Variants in MAP3K21 observed in about 807,000 individuals in gnomAD.
MAP3K21 encodes mitogen-activated protein kinase kinase kinase 21, also known as mitogen-activated protein kinase kinase kinase MLK4.
In MAP3K21, 63 loss-of-function variants were observed where a neutral mutation model predicts 86.1. That is an observed-to-expected ratio of 0.73 (90% CI 0.60 to 0.90). MAP3K21 has a LOEUF of 0.90. MAP3K21 is among the 40% of genes least tolerant of loss of function. MAP3K21 has a pLI of 0.00. For synonymous variants in MAP3K21, 558 were observed against 564.8 expected (o/e 0.99, Z 0.17); for missense variants, 1,220 against 1,367.7 (o/e 0.89, Z 1.70).
chr1:233,332,345 C>G (rs759930334), intron 1 of MAP3K21, among the ~76,000 whole-genome samples: 2 of 152,016 alleles, frequency 1.3e-5, no homozygotes, highest in Admixed American at 6.6e-5. Flanking sequence ...CACAGGGGCT[C>G]TCCAGGGAAG....
Position 233,382,563 on chromosome 1 carries a change from C to T in MAP3K21, c.2963C>T (p.Ala988Val). Residue 988 changes from alanine (A) to valine (V), a missense_variant, in exon 10 of 10, where the codon GCC becomes GTC. Ala to Val is a moderately conservative substitution (Grantham distance 64). Coordinates refer to ENST00000366624, the MANE Select transcript of MAP3K21 (RefSeq NM_032435.3). ...PGPHPTQFLA[A>V]KERTKSHVPS... is the part of the protein sequence containing the mutation. ...CCACATCCCACCCAATTCCTCGCTG[C>T]CAAGGAGAGAACTAAATCCCATGTG... The T allele has an allele frequency of 6.2e-7, 1 of 1,614,178 alleles. No homozygotes were observed. The highest frequency in any genetic ancestry group is 8.5e-7 in the Non-Finnish European group (1 of 1,180,028).
intron 9 of MAP3K21, among the ~76,000 whole-genome samples, 193 bp downstream of exon 9, chr1:233,379,903 A>T (rs1350826628): frequency 2.0e-5 from 3 of 152,210 alleles, no homozygotes; most frequent in African/African-American, 7.2e-5. Flanking sequence ...GGAAAAGTGT[A>T]ATTGAATTTC....
intron 2 of MAP3K21, among the ~76,000 whole-genome samples, chr1:233,347,773 T>G (rs1316754415): frequency 6.6e-6 from 1 of 152,152 alleles, no homozygotes; most frequent in Non-Finnish European, 1.5e-5. Flanking sequence ...AAAGTAACTC[T>G]TGGATACTAT....
intron 1 of MAP3K21, among the ~76,000 whole-genome samples, chr1:233,344,921 G>A (rs1663104181): frequency 6.6e-6 from 1 of 152,116 alleles, no homozygotes; most frequent in African/African-American, 2.4e-5. Flanking sequence ...AGTGGGCAAA[G>A]GATATGAACA....
rs550881659 is a variant in MAP3K21 at position 233,376,420 on chromosome 1, T to C, written c.1827-10T>C. ...TCTATCTTATGAAAAGAAACATTTT[T>C]CTCTTGTAGGATAAGACCTCTCTCC... is the stretch of plus-strand genomic sequence containing the variant. On this transcript the variant is annotated splice_polypyrimidine_tract_variant and intron_variant, in intron 7 of 9. Transcript: ENST00000366624. 26 of 1,591,344 alleles carry C rather than the reference T, an allele frequency of 1.6e-5. No individual in the cohort carries two copies. In the African/African-American group the frequency reaches 3.4e-4, roughly 21 times the overall value.
chr1:233,338,638 A>C (rs1662960739), intron 1 of MAP3K21, among the ~76,000 whole-genome samples: 1 of 152,208 alleles, frequency 6.6e-6, no homozygotes, highest in Non-Finnish European at 1.5e-5. Flanking sequence ...CAGAGAACAG[A>C]AATTGCAAGA....
At position 233,372,173 on chromosome 1, in the gene MAP3K21, C is replaced by T; in HGVS notation, c.1675+13C>T. 1 of 1,613,606 alleles carries T rather than the reference C, an allele frequency of 6.2e-7. No individual in the cohort carries two copies. The highest frequency in any genetic ancestry group is 8.5e-7 in the Non-Finnish European group (1 of 1,179,638). On this transcript the variant is annotated intron_variant, in intron 6 of 9. Coordinates refer to ENST00000366624, the MANE Select transcript of MAP3K21 (RefSeq NM_032435.3). The stretch of plus-strand genomic sequence containing the variant: ...CGAGCCATACAGTGTGAGCTTTCTG[C>T]ACTGCCACGGGGGCTCCTGTGTTGA...
chr1:233,333,261 A>C (rs999421100), intron 1 of MAP3K21, among the ~76,000 whole-genome samples: 2 of 152,210 alleles, frequency 1.3e-5, no homozygotes, highest in Non-Finnish European at 2.9e-5. Flanking sequence ...TACTCAGGAC[A>C]TGTAGCTTCA....
Position 233,328,160 on chromosome 1 carries a change from C to G in MAP3K21, c.132C>G (p.Ala44=). Residue 44 remains alanine, a synonymous_variant, in exon 1 of 10, where the codon GCC becomes GCG. Coordinates refer to ENST00000366624, the MANE Select transcript of MAP3K21 (RefSeq NM_032435.3). The surrounding 1 kb of genome is among the most constrained non-coding windows in gnomAD (Gnocchi z 8.7). Reference sequence around the variant, plus strand: ...CCTCGGCGGGCGCGGGGCTGTGGGCCGCGCTCTATGACTACGAGGCTCGCG... The same window carrying G: ...CCTCGGCGGGCGCGGGGCTGTGGGCGGCGCTCTATGACTACGAGGCTCGCG... ...GSASAGAGLW[A]ALYDYEARGE... 1 of 1,458,456 alleles carries G rather than the reference C, an allele frequency of 6.9e-7. No individual in the cohort carries two copies. Among genetic ancestry groups the G allele is most frequent in the Non-Finnish European group, 9.0e-7 (1 of 1,111,790 alleles). The allele number at this position is 1,458,456 out of a possible 1,614,324, so 90.3% of individuals were successfully genotyped here.
intron 5 of MAP3K21, among the ~76,000 whole-genome samples, chr1:233,368,570 G>A (rs531048386): frequency 6.6e-6 from 1 of 152,004 alleles, no homozygotes; most frequent in African/African-American, 2.4e-5. Context: ...CAGGAAAATT[G>A]CTTGAGCCAG....
chr1:233,328,081 G>A lies in MAP3K21; in HGVS notation c.53G>A (p.Gly18Glu). 1 of 1,359,682 alleles carries A rather than the reference G, an allele frequency of 7.4e-7. No homozygotes were observed. The highest frequency in any genetic ancestry group is 3.1e-5 in the East Asian group (1 of 32,104). 84.2% of individuals were successfully genotyped at this position (1,359,682 alleles called of 1,614,324 possible). A position where few individuals can be genotyped will look rare whatever the true frequency, so the allele number is the denominator to read the frequency against. Residue 18 changes from glycine to glutamate, a missense_variant, in exon 1 of 10, where the codon GGG becomes GAG. This residue lies in a region of MAP3K21 where 369 missense variants were observed against 385.3 expected (regional missense o/e 0.96). Transcript: ENST00000366624. This position sits in a 1 kb window ranked among gnomAD's most constrained non-coding sequence, Gnocchi z 8.7. ...GATDTPVSSAGGAPGGSASSS... is the reference protein window; with the variant it reads ...GATDTPVSSAEGAPGGSASSS... ...ACCGACACCCCGGTGTCCTCGGCCG[G>A]GGGAGCCCCCGGCGGCTCAGCGTCC...
intron 7 of MAP3K21, 67 bp downstream of exon 7, chr1:233,376,133 C>A: frequency 1.5e-6 from 2 of 1,343,294 alleles, no homozygotes; most frequent in Non-Finnish European, 2.1e-6. Context: ...GTTAATATCA[C>A]ATCAGCCAGA....
At position 233,328,371 on chromosome 1, in the gene MAP3K21, TC is replaced by T; in HGVS notation, c.347del (p.Pro116ArgfsTer11). ...CGCGCCGCCGCCCTCGCGGCCCAGCTCCCCGGTACACGTCGCCTTCGAGCGG... is the reference window on the plus strand; with the variant it reads ...CGCGCCGCCGCCCTCGCGGCCCAGCTCCCGGTACACGTCGCCTTCGAGCGG... ...SPAPPPSRPSSPVHVAFERLE... is the reference protein window; with the variant it reads ...SPAPPPSRPSXPVHVAFERLE... On this transcript the variant is annotated frameshift_variant, in exon 1 of 10. Transcript: ENST00000366624. LOFTEE classifies it high-confidence loss of function. The surrounding 1 kb of genome is among the most constrained non-coding windows in gnomAD (Gnocchi z 8.7). 6.8e-7 allele frequency: 1 copy of T among 1,477,884 alleles called. No homozygotes were observed. The highest frequency in any genetic ancestry group is 2.9e-5 in the East Asian group (1 of 34,100). 91.5% of individuals were successfully genotyped at this position (1,477,884 alleles called of 1,614,324 possible). A position where few individuals can be genotyped will look rare whatever the true frequency, so the allele number is the denominator to read the frequency against.
chr1:233,362,787 G>T (rs1020509382), intron 5 of MAP3K21, among the ~76,000 whole-genome samples: 6 of 151,990 alleles, frequency 3.9e-5, no homozygotes, highest in Admixed American at 3.3e-4. Context: ...TCCCATGAAG[G>T]TTTAAAATCC....
intron 4 of MAP3K21, among the ~76,000 whole-genome samples, chr1:233,358,468 A>C: frequency 1.3e-5 from 1 of 76,160 alleles, no homozygotes; most frequent in East Asian, 1.3e-3. Flanking sequence ...GAAAGACTCT[A>C]ATTTGTTTTT....
rs987125572 is a variant in MAP3K21, at chr1:233,376,353, T to A, written c.1827-77T>A. On this transcript the variant is annotated intron_variant, in intron 7 of 9. Coordinates refer to ENST00000366624, the MANE Select transcript of MAP3K21 (RefSeq NM_032435.3). ...TCTCTTTACTACCTTAAAAATATTG[T>A]TGGTCTGTATCCACCAAAACCTAAT... The A allele has an allele frequency of 2.9e-6, 3 of 1,026,598 alleles. No homozygotes were observed. In the African/African-American group the frequency reaches 4.9e-5, roughly 17 times the overall value. 63.6% of individuals were successfully genotyped at this position (1,026,598 alleles called of 1,614,324 possible).
chr1:233,338,367 A>T (rs758783898), intron 1 of MAP3K21, among the ~76,000 whole-genome samples: 4 of 152,202 alleles, frequency 2.6e-5, no homozygotes, highest in Non-Finnish European at 4.4e-5. Context: ...TTGTGTAGTG[A>T]ACAAAGCAGA....
chr1:233,381,582 A>G (rs1167394642), intron 9 of MAP3K21, among the ~76,000 whole-genome samples: 1 of 152,050 alleles, frequency 6.6e-6, no homozygotes, highest in Non-Finnish European at 1.5e-5. Context: ...TGGATATGAT[A>G]TTTTCTATAT....
chr1:233,328,077 G>A lies in MAP3K21; in HGVS notation c.49G>A (p.Ala17Thr). Residue 17 changes from alanine to threonine, a missense_variant, in exon 1 of 10, where the codon GCC becomes ACC. Ala to Thr is a moderately conservative substitution (Grantham distance 58, BLOSUM62 0). Around this residue, in one of 5 missense-constraint regions of MAP3K21, gnomAD observed 369 missense variants for 385.3 expected, o/e 0.96. Coordinates refer to ENST00000366624, the MANE Select transcript of MAP3K21 (RefSeq NM_032435.3). The surrounding 1 kb of genome is among the most constrained non-coding windows in gnomAD (Gnocchi z 8.7). ...AGATDTPVSSAGGAPGGSASS... is the reference protein window; with the variant it reads ...AGATDTPVSSTGGAPGGSASS... ...AGCGACCGACACCCCGGTGTCCTCGGCCGGGGGAGCCCCCGGCGGCTCAGC... is the reference window on the plus strand; with the variant it reads ...AGCGACCGACACCCCGGTGTCCTCGACCGGGGGAGCCCCCGGCGGCTCAGC... 7.4e-7 allele frequency: 1 copy of A among 1,354,356 alleles called. No homozygotes were observed. Among genetic ancestry groups the A allele is most frequent in the Non-Finnish European group, 9.4e-7 (1 of 1,060,566 alleles). The allele number at this position is 1,354,356 out of a possible 1,614,324, so 83.9% of individuals were successfully genotyped here. A position where few individuals can be genotyped will look rare whatever the true frequency, so the allele number is the denominator to read the frequency against.
Sources: allele counts gnomAD v4.1 joint callset (sites outside exome capture counted in the v4.1 genomes callset), GRCh38; gene constraint gnomAD v4.1.1; regional missense constraint gnomAD v4.1.1; non-coding constraint Gnocchi (gnomAD v3.1); transcripts MANE v1.5; gene names NCBI Gene and HGNC (gene_info 2026-07-23, HGNC 2026-07-21).